The following EXD3 variants were observed in gnomAD, a reference collection of about 807,000 sequenced individuals.
EXD3 encodes the protein exonuclease 3'-5' domain containing 3.
In EXD3, 92 loss-of-function variants were observed where a neutral mutation model predicts 98.0. The observed-to-expected ratio is 0.94, with a 90% CI of 0.79 to 1.12. EXD3 has a LOEUF of 1.12. Ranked by LOEUF, EXD3 falls within the 50% of genes most tolerant of loss-of-function variation. EXD3 has a pLI of 0.00. For missense variants in EXD3, 1,222 were observed against 1,191.6 expected, an observed-to-expected ratio of 1.03 and a Z score of -0.38; for synonymous variants, 569 against 526.0, an observed-to-expected ratio of 1.08 and a Z score of -1.12.
chr9:137,308,326 C>T (rs938318251), intron 20 of EXD3, among the ~76,000 whole-genome samples: 17 of 152,144 alleles, frequency 1.1e-4, no homozygotes, highest in African/African-American at 2.9e-4. Context: ...GAATGCACCA[C>T]GCCCCCACCC....
intron 16 of EXD3, 51 bp from the exon 17 acceptor site, chr9:137,348,289 C>G (rs1834043085): frequency 6.4e-7 from 1 of 1,568,780 alleles, no homozygotes; most frequent in Non-Finnish European, 8.6e-7. Context: ...CAGCCCCTCA[C>G]AGCCTCAGAG....
At chr9:137,372,772 G>T in intron 5 of EXD3, 133 bp downstream of exon 5, 1 of 935,786 alleles carries the variant, frequency 1.1e-6, no homozygotes, top group Non-Finnish European at 1.6e-6. Flanking sequence ...CCCACGGCCG[G>T]GTCCTTGATA....
intron 2 of EXD3, among the ~76,000 whole-genome samples, chr9:137,394,158 T>C (rs9697080): frequency 0.66 from 53,904 of 81,924 alleles, 17,825 homozygotes; most frequent in African/African-American, 0.86. Flanking sequence ...TCCCTAACCC[T>C]GGCCTCCCAG....
intron 1 of EXD3, among the ~76,000 whole-genome samples, chr9:137,399,575 C>T (rs1025971913): frequency 4.6e-5 from 7 of 152,208 alleles, no homozygotes; most frequent in Non-Finnish European, 1.0e-4. Flanking sequence ...CTCTCTTATT[C>T]CTGGCTTCTC....
chr9:137,387,423 A>C (rs952878916), intron 2 of EXD3, among the ~76,000 whole-genome samples: 8 of 152,092 alleles, frequency 5.3e-5, no homozygotes, highest in Non-Finnish European at 1.0e-4. Flanking sequence ...GTGTGGCGGG[A>C]CAAGTGTCTG....
intron 13 of EXD3, 61 bp from the exon 14 acceptor site, chr9:137,351,208 C>A (rs1012737464): frequency 3.4e-5 from 52 of 1,532,462 alleles, no homozygotes; most frequent in Non-Finnish European, 4.3e-5. Flanking sequence ...TGTCCCCTGA[C>A]CCCAGGGTGC....
intron 19 of EXD3, among the ~76,000 whole-genome samples, chr9:137,312,687 G>C (rs1451283943): frequency 6.6e-6 from 1 of 152,146 alleles, no homozygotes; most frequent in Non-Finnish European, 1.5e-5. Context: ...CCAAGGCAGA[G>C]GCCAAGATGT....
chr9:137,353,809 CCCCACGG>C, intron 10 of EXD3: 1 of 986,286 alleles, frequency 1.0e-6, no homozygotes. Flanking sequence ...CGACCTCCCA[CCCCACGG>C]CCTCGAGGAG....
At chr9:137,325,846 T>A (rs112556761) in intron 17 of EXD3, among the ~76,000 whole-genome samples, 4 of 151,982 alleles carry the variant, frequency 2.6e-5, no homozygotes, top group Non-Finnish European at 5.9e-5. Context: ...TCCCAGCACT[T>A]TGGGAGGCTG....
intron 5 of EXD3, among the ~76,000 whole-genome samples, chr9:137,372,265 C>A (rs913501781): frequency 1.3e-5 from 2 of 152,214 alleles, no homozygotes; most frequent in African/African-American, 4.8e-5. Flanking sequence ...GCGACTGTGC[C>A]GAGGTGCGAC....
At chr9:137,413,496 G>A (rs1162185265) in intron 1 of EXD3, among the ~76,000 whole-genome samples, 3 of 150,886 alleles carry the variant, frequency 2.0e-5, no homozygotes, top group Non-Finnish European at 3.0e-5. Flanking sequence ...CACCGCGCCT[G>A]GCCTAGCTTT....
Position 137,332,650 on chromosome 9 carries a change from T to C in EXD3, c.1999-8507A>G, listed in dbSNP as rs537221197. ...CAAGGTCAGGAGATCGAGACCATCC[T>C]GGCTAAAACAGTGAAACCCCGTCTC... On this transcript the variant is annotated intron_variant, in intron 17 of 21. Transcript: ENST00000340951. Among the ~76,000 whole-genome samples, 39 of 151,594 alleles carry C rather than the reference T, an allele frequency of 2.6e-4. 1 individual carries two copies. The highest frequency in any genetic ancestry group is 1.0e-3 in the South Asian group (5 of 4,804).
At chr9:137,396,128 T>C (rs148056888) in intron 1 of EXD3, among the ~76,000 whole-genome samples, 3,057 of 152,152 alleles carry the variant, frequency 0.02, 44 homozygotes, top group Admixed American at 0.044. Context: ...CCATCACGCC[T>C]GGCTAATTTT....
chr9:137,335,005 A>T (rs1588285876), intron 17 of EXD3, among the ~76,000 whole-genome samples: 1 of 151,940 alleles, frequency 6.6e-6, no homozygotes, highest in African/African-American at 2.4e-5. Flanking sequence ...TGAATCTGGG[A>T]GGTAGAGGTT....
chr9:137,328,445 TA>T (rs1832615196), intron 17 of EXD3, among the ~76,000 whole-genome samples: 1 of 151,898 alleles, frequency 6.6e-6, no homozygotes, highest in African/African-American at 2.4e-5. Flanking sequence ...ATATGATGAG[TA>T]AAAACAACTA....
intron 2 of EXD3, among the ~76,000 whole-genome samples, chr9:137,391,399 C>T (rs1171078105): frequency 1.3e-5 from 2 of 152,146 alleles, no homozygotes; most frequent in African/African-American, 2.4e-5. Flanking sequence ...CAGGCCCAAG[C>T]TGTAGGGCAT....
rs1382868495 is a variant in EXD3, at chr9:137,365,804, CAT to C, written c.656+687_656+688del. 10 of 347,874 alleles carry C rather than the reference CAT, an allele frequency of 2.9e-5. No individual in the cohort carries two copies. The East Asian group carries it at 6.1e-4, about 21-fold the overall frequency. 21.5% of individuals were successfully genotyped at this position (347,874 alleles called of 1,614,324 possible). On this transcript the variant is annotated intron_variant, in intron 7 of 21. Coordinates refer to ENST00000340951, the MANE Select transcript of EXD3 (RefSeq NM_017820.5). Reference sequence around the variant, plus strand: ...ACACACGTACACCTGCAGGCACACACATGTACACATCATATGCACGCAGACAT... The same window carrying C: ...ACACACGTACACCTGCAGGCACACACGTACACATCATATGCACGCAGACAT...
intron 7 of EXD3, among the ~76,000 whole-genome samples, chr9:137,361,754 A>G (rs1835005361): frequency 6.6e-6 from 1 of 151,328 alleles, no homozygotes; most frequent in African/African-American, 2.4e-5. Flanking sequence ...TTAAAAAAAA[A>G]AAAAAAAAAA....
intron 17 of EXD3, among the ~76,000 whole-genome samples, chr9:137,326,615 A>C (rs181914921): frequency 1.3e-5 from 2 of 152,352 alleles, no homozygotes; most frequent in East Asian, 3.9e-4. Flanking sequence ...AAGATGCTCT[A>C]CATTATTCGT....
Sources: gnomAD v4.1 joint callset for allele counts (sites outside exome capture counted in the v4.1 genomes callset) on GRCh38, gnomAD v4.1.1 for gene constraint, MANE v1.5 for transcripts, NCBI Gene and HGNC (gene_info 2026-07-23, HGNC 2026-07-21) for gene names.